Variants in ZNF609 observed in about 807,000 individuals in gnomAD.
The protein encoded by ZNF609 is zinc finger protein 609.
ZNF609 carries 11 observed loss-of-function variants against 109.5 expected under a neutral mutation model. The observed-to-expected ratio is 0.10, with a 90% CI of 0.06 to 0.17. ZNF609 has a LOEUF of 0.17. ZNF609 is among the 10% of genes least tolerant of loss of function. The probability of loss-of-function intolerance (pLI) is 1.00; values close to 1 mark genes in which losing one functional copy is unlikely to be tolerated. For missense variants in ZNF609, 1,559 were observed against 1,772.4 expected, an observed-to-expected ratio of 0.88 and a Z score of 2.16; for synonymous variants, 646 against 662.0, an observed-to-expected ratio of 0.98 and a Z score of 0.37.
intron 3 of ZNF609, among the ~76,000 whole-genome samples, chr15:64,635,151 A>G (rs1173293642): frequency 6.6e-6 from 1 of 152,108 alleles, no homozygotes; most frequent in Non-Finnish European, 1.5e-5. Flanking sequence ...CCCCCAAGCA[A>G]AGCACAGTCA....
At chr15:64,602,889 A>ATTTTTTTTTTTTTTTTTTTTTTTTTTT (rs10600562) in intron 2 of ZNF609, among the ~76,000 whole-genome samples, 5 of 75,166 alleles carry the variant, frequency 6.7e-5, no homozygotes, top group Non-Finnish European at 1.2e-4. Context: ...CTCTGGGCTA[A>ATTTTTTTTTTTTTTTTTTTTTTTTTTT]TTTTTTTTTT....
At position 64,499,521 on chromosome 15, in the gene ZNF609, C is replaced by A; in HGVS notation, c.102C>A (p.Leu34=). The A allele has an allele frequency of 3.7e-6, 6 of 1,614,098 alleles. No individual in the cohort carries two copies. The highest frequency in any genetic ancestry group is 5.1e-6 in the Non-Finnish European group (6 of 1,180,032). The change falls in exon 2 of 10, where the codon CTC becomes CTA. Residue 34 remains leucine (L), a synonymous_variant. Coordinates refer to ENST00000326648, the MANE Select transcript of ZNF609 (RefSeq NM_015042.2). The part of the protein sequence containing the change: ...GDEWDIGVGN[L]IIDLDADLEK... ...AATGGGACATTGGAGTAGGGAATCT[C>A]ATCATTGACCTGGACGCCGATCTGG...
intron 2 of ZNF609, among the ~76,000 whole-genome samples, chr15:64,551,779 C>T (rs1304298678): frequency 6.7e-6 from 1 of 149,836 alleles, no homozygotes; most frequent in Non-Finnish European, 1.5e-5. Context: ...ATTAAGCTTA[C>T]CTTCTTATAT....
chr15:64,538,468 C>A (rs1894190572), intron 2 of ZNF609, among the ~76,000 whole-genome samples: 1 of 152,166 alleles, frequency 6.6e-6, no homozygotes, highest in Non-Finnish European at 1.5e-5. Flanking sequence ...GTAAATTTGT[C>A]CATAGGCAGA....
intron 6 of ZNF609, 130 bp from the exon 7 acceptor site, chr15:64,680,055 C>T: frequency 1.0e-6 from 1 of 987,734 alleles, no homozygotes; most frequent in Admixed American, 2.5e-5. Context: ...CAGTCTCAGC[C>T]AAAGACACTA....
intron 2 of ZNF609, among the ~76,000 whole-genome samples, chr15:64,606,894 A>C (rs927972201): frequency 1.3e-5 from 2 of 152,194 alleles, no homozygotes; most frequent in Non-Finnish European, 2.9e-5. Flanking sequence ...CTGTAATCCC[A>C]GCACTTTGGG....
intron 2 of ZNF609, among the ~76,000 whole-genome samples, chr15:64,561,808 A>G (rs929650275): frequency 2.0e-5 from 3 of 152,162 alleles, no homozygotes; most frequent in Non-Finnish European, 4.4e-5. Flanking sequence ...TGTTAATGCT[A>G]TGTTTCCACT....
Position 64,469,060 on chromosome 15 carries a change from C to CA in ZNF609, c.-128+8223dup, listed in dbSNP as rs1893056226. Among the ~76,000 whole-genome samples the CA allele has an allele frequency of 1.6e-4, 19 of 120,372 alleles. No individual in the cohort carries two copies. The Admixed American group carries it at 1.7e-3, about 11-fold the overall frequency. The allele number at this position is 120,372 out of a possible 152,430, so 79.0% of individuals were successfully genotyped here. ...TTAAAAAAAAAAAAAAAAAAAACAA[C>CA]ACAATTCAGCCTGGCCAACATGGTG... On this transcript the variant is annotated intron_variant, in intron 1 of 9. Transcript: ENST00000326648.
intron 2 of ZNF609, among the ~76,000 whole-genome samples, chr15:64,600,465 A>C (rs1312346319): frequency 1.4e-5 from 2 of 144,852 alleles, no homozygotes; most frequent in Admixed American, 6.8e-5. Context: ...AAAAAAAAAA[A>C]AGAAAAAAAA....
intron 2 of ZNF609, among the ~76,000 whole-genome samples, chr15:64,575,009 T>C (rs1894926054): frequency 6.6e-6 from 1 of 152,194 alleles, no homozygotes; most frequent in Admixed American, 6.5e-5. Flanking sequence ...TGCTGTTCAT[T>C]AATGGGGCTT....
intron 2 of ZNF609, among the ~76,000 whole-genome samples, chr15:64,590,159 A>G (rs1171166388): frequency 6.6e-6 from 1 of 152,176 alleles, no homozygotes; most frequent in East Asian, 1.9e-4. Context: ...CCTGTATACT[A>G]GGAAATCTAG....
At chr15:64,545,448 C>T (rs1443491570) in intron 2 of ZNF609, among the ~76,000 whole-genome samples, 1 of 152,178 alleles carries the variant, frequency 6.6e-6, no homozygotes, top group South Asian at 2.1e-4. Context: ...ATTCACCTGC[C>T]TCAGCCACCC....
At chr15:64,613,475 T>C (rs537563036) in intron 2 of ZNF609, among the ~76,000 whole-genome samples, 4 of 152,228 alleles carry the variant, frequency 2.6e-5, no homozygotes, top group African/African-American at 9.6e-5. Context: ...AATTATCCCA[T>C]GATGTCTACC....
intron 2 of ZNF609, among the ~76,000 whole-genome samples, chr15:64,568,133 CATT>C (rs974183202): frequency 3.6e-4 from 55 of 152,262 alleles, no homozygotes; most frequent in East Asian, 3.9e-4. Context: ...AGGTTTTAAA[CATT>C]ATGACATTTC....
chr15:64,493,259 T>C (rs16953514), intron 1 of ZNF609, among the ~76,000 whole-genome samples: 13,790 of 152,146 alleles, frequency 0.091, 1,189 homozygotes, highest in African/African-American at 0.23. Context: ...GTTTTTGCCC[T>C]CTGAGCTGGG....
At chr15:64,560,659 GT>G (rs1414511538) in intron 2 of ZNF609, among the ~76,000 whole-genome samples, 15 of 152,178 alleles carry the variant, frequency 9.9e-5, no homozygotes, top group Admixed American at 9.8e-4. Context: ...AGATTTTGAA[GT>G]GGGATGCTTG....
At chr15:64,572,275 C>G (rs552452203) in intron 2 of ZNF609, among the ~76,000 whole-genome samples, 15 of 152,102 alleles carry the variant, frequency 9.9e-5, no homozygotes, top group Non-Finnish European at 1.9e-4. Context: ...GTAGGCAGAT[C>G]GTTTGAGTCT....
intron 3 of ZNF609, among the ~76,000 whole-genome samples, chr15:64,652,675 A>G (rs1391234333): frequency 6.6e-6 from 1 of 152,130 alleles, no homozygotes; most frequent in Non-Finnish European, 1.5e-5. Flanking sequence ...AGTGTGAATC[A>G]CTATGCCTGG....
intron 7 of ZNF609, 85 bp from the exon 8 acceptor site, chr15:64,680,561 T>TTGTGTGTG (rs147044397): frequency 5.0e-5 from 57 of 1,133,942 alleles, no homozygotes; most frequent in Middle Eastern, 5.6e-4. Context: ...GGCATCTCAC[T>TTGTGTGTG]TGTGTGTGTG....
Sources: gnomAD v4.1 joint callset for allele counts (sites outside exome capture counted in the v4.1 genomes callset) on GRCh38, gnomAD v4.1.1 for gene constraint, MANE v1.5 for transcripts, NCBI Gene and HGNC (gene_info 2026-07-23, HGNC 2026-07-21) for gene names.